The following GUCY1A2 variants were observed in gnomAD, a reference collection of about 807,000 sequenced individuals.
GUCY1A2 encodes the protein guanylate cyclase soluble subunit alpha-2.
In GUCY1A2, 27 loss-of-function variants were observed where a neutral mutation model predicts 63.5. The ratio of observed to expected loss-of-function variants is 0.43; its 90% confidence interval spans 0.31 to 0.59. GUCY1A2 has a LOEUF of 0.59. GUCY1A2 is among the 20% of genes least tolerant of loss of function. The probability of loss-of-function intolerance (pLI) is 0.11; values close to 1 mark genes in which losing one functional copy is unlikely to be tolerated. For missense variants in GUCY1A2, 768 were observed against 913.3 expected (o/e 0.84, Z 2.05); for synonymous variants, 364 against 343.5 (o/e 1.06, Z -0.66).
At chr11:106,826,450 G>C in intron 4 of GUCY1A2, 1 of 1,576,892 alleles carries the variant, frequency 6.3e-7, no homozygotes, top group Non-Finnish European at 8.7e-7. Flanking sequence ...TCCATATGAT[G>C]AAAGATTCAT....
intron 6 of GUCY1A2, among the ~76,000 whole-genome samples, chr11:106,724,662 G>C (rs1863373256): frequency 6.6e-6 from 1 of 152,046 alleles, no homozygotes; most frequent in Non-Finnish European, 1.5e-5. Context: ...TTCACTCCTG[G>C]TTATGCAATA....
chr11:106,736,345 A>G (rs563283147), intron 6 of GUCY1A2, among the ~76,000 whole-genome samples: 1 of 152,248 alleles, frequency 6.6e-6, no homozygotes, highest in South Asian at 2.1e-4. Flanking sequence ...GTTTTTCTAC[A>G]TATGGATATC....
intron 4 of GUCY1A2, among the ~76,000 whole-genome samples, chr11:106,820,525 A>T (rs373898610): frequency 6.6e-6 from 1 of 152,150 alleles, no homozygotes; most frequent in East Asian, 1.9e-4. Flanking sequence ...CAGCCTCCTG[A>T]GTAGCTGAAA....
chr11:106,689,592 A>C (rs1424963299), intron 7 of GUCY1A2, among the ~76,000 whole-genome samples: 1 of 152,234 alleles, frequency 6.6e-6, no homozygotes, highest in African/African-American at 2.4e-5. Flanking sequence ...ACACACATGA[A>C]GCCAACACGT....
At position 106,675,201 on chromosome 11, in the gene GUCY1A2, G is replaced by T. The variant is rs967024875; in HGVS notation, c.*12348C>A. On this transcript the variant is annotated 3_prime_UTR_variant, in exon 8 of 8. Transcript: ENST00000526355. ...GAGACAGTTTTGTCACTTAATTACC[G>T]AAGTTATAATGTAGCTACAGGCAGC... 1 of 204,876 alleles carries T rather than the reference G, an allele frequency of 4.9e-6. No homozygotes were observed. Among genetic ancestry groups the T allele is most frequent in the African/African-American group, 2.3e-5 (1 of 43,454 alleles). The allele number at this position is 204,876 out of a possible 1,614,324, so 12.7% of individuals were successfully genotyped here.
intron 1 of GUCY1A2, among the ~76,000 whole-genome samples, chr11:107,003,865 C>A (rs1337283320): frequency 6.6e-6 from 1 of 152,094 alleles, no homozygotes; most frequent in Non-Finnish European, 1.5e-5. Context: ...TTGGGATCAA[C>A]AACCATGAAA....
chr11:106,713,595 C>T (rs1196316578), intron 6 of GUCY1A2, among the ~76,000 whole-genome samples: 1 of 146,936 alleles, frequency 6.8e-6, no homozygotes, highest in Non-Finnish European at 1.5e-5. Context: ...CAAGCTCCGT[C>T]TCCCGGGTTC....
intron 4 of GUCY1A2, among the ~76,000 whole-genome samples, chr11:106,900,016 G>A (rs1428955391): frequency 6.6e-6 from 1 of 150,380 alleles, no homozygotes; most frequent in Non-Finnish European, 1.5e-5. Flanking sequence ...AACCCGGGAG[G>A]CAGAGCTTGC....
chr11:106,715,599 G>C (rs903162909), intron 6 of GUCY1A2, among the ~76,000 whole-genome samples: 1 of 152,104 alleles, frequency 6.6e-6, no homozygotes, highest in African/African-American at 2.4e-5. Context: ...GAAAATACTA[G>C]TTACACAATT....
intron 3 of GUCY1A2, among the ~76,000 whole-genome samples, chr11:106,944,512 AAAG>A (rs1379407555): frequency 1.3e-5 from 2 of 152,096 alleles, no homozygotes; most frequent in African/African-American, 4.8e-5. Context: ...TTGGGAGGAG[AAAG>A]AAGATCACAA....
chr11:106,897,798 C>A (rs1860072269), intron 4 of GUCY1A2, among the ~76,000 whole-genome samples: 1 of 151,622 alleles, frequency 6.6e-6, no homozygotes, highest in Non-Finnish European at 1.5e-5. Context: ...TTGAGTTTGG[C>A]AATGACTTTT....
intron 6 of GUCY1A2, among the ~76,000 whole-genome samples, chr11:106,775,706 G>A (rs918420568): frequency 3.1e-4 from 1 of 3,210 alleles, no homozygotes; most frequent in African/African-American, 1.8e-3. Context: ...CCCCGCCCCC[G>A]TGTTTTCTTA....
intron 2 of GUCY1A2, among the ~76,000 whole-genome samples, chr11:106,985,830 A>AG (rs1439659479): frequency 3.9e-5 from 6 of 152,198 alleles, no homozygotes; most frequent in African/African-American, 1.2e-4. Flanking sequence ...GAGAAGACTG[A>AG]GAAAAAAAAG....
rs896390832 is a variant in GUCY1A2 at position 107,018,061 on chromosome 11, C to G, written c.-6G>C. The G allele has an allele frequency of 1.2e-5, 18 of 1,446,942 alleles. No homozygotes were observed. The highest frequency in any genetic ancestry group is 1.7e-5 in the Non-Finnish European group (18 of 1,086,682). The allele number at this position is 1,446,942 out of a possible 1,614,324, so 89.6% of individuals were successfully genotyped here. On this transcript the variant is annotated 5_prime_UTR_variant, in exon 1 of 8. Coordinates refer to ENST00000526355, the MANE Select transcript of GUCY1A2 (RefSeq NM_000855.3). ...GAAATCTTCCTTCGAGACATGCTGC[C>G]GGCGGAGCTGCAGCGGCCGAGGCGG... is the stretch of plus-strand genomic sequence containing the variant.
At chr11:106,708,353 T>C (rs1033495201) in intron 7 of GUCY1A2, among the ~76,000 whole-genome samples, 159 bp downstream of exon 7, 4 of 152,190 alleles carry the variant, frequency 2.6e-5, no homozygotes, top group African/African-American at 4.8e-5. Context: ...AATAAAAGTT[T>C]GTGTCACAAT....
At chr11:106,936,658 T>G (rs934152180) in intron 4 of GUCY1A2, 1 of 1,528,500 alleles carries the variant, frequency 6.5e-7, no homozygotes, top group African/African-American at 1.4e-5. Context: ...ACCTCAAGAC[T>G]GTTGAATCCT....
At position 106,978,640 on chromosome 11, in the gene GUCY1A2, G is replaced by T. The variant is rs199936980; in HGVS notation, c.466C>A (p.Gln156Lys). ...EEIEDVSGIL[Q>K]CTANILGLKF... ...ATACCGAGTATATTAGCAGTACACTGAAGAATTCCTGAGACATCTTCAATT... is the reference window on the plus strand; with the variant it reads ...ATACCGAGTATATTAGCAGTACACTTAAGAATTCCTGAGACATCTTCAATT... The change falls in exon 3 of 8, where the codon CAG (glutamine) becomes AAG (lysine). Residue 156 changes from glutamine to lysine, a missense_variant. By Grantham distance (53) the Gln-to-Lys change is moderately conservative. Transcript: ENST00000526355. The T allele has an allele frequency of 5.9e-6, 9 of 1,538,382 alleles. No individual in the cohort carries two copies. The highest frequency in any genetic ancestry group is 8.1e-6 in the Non-Finnish European group (9 of 1,112,034).
At chr11:107,015,522 A>C (rs1267568948) in intron 1 of GUCY1A2, among the ~76,000 whole-genome samples, 2 of 137,278 alleles carry the variant, frequency 1.5e-5, no homozygotes, top group Admixed American at 8.0e-5. Context: ...TATCAGAGGC[A>C]TTGACATTAC....
intron 1 of GUCY1A2, among the ~76,000 whole-genome samples, chr11:107,012,019 CTT>C (rs1264046485): frequency 6.6e-6 from 1 of 152,108 alleles, no homozygotes. Context: ...TTAAAATTAA[CTT>C]GTCATGAAAT....
Sources: gnomAD v4.1 joint callset for allele counts (sites outside exome capture counted in the v4.1 genomes callset) on GRCh38, gnomAD v4.1.1 for gene constraint, MANE v1.5 for transcripts, NCBI Gene and HGNC (gene_info 2026-07-23, HGNC 2026-07-21) for gene names.